TAB2: variants seen among roughly 807,000 people sequenced by gnomAD.
TAB2 encodes the protein TGF-beta activated kinase 1 (MAP3K7) binding protein 2, also known as TGF-beta-activated kinase 1 and MAP3K7-binding protein 2.
A neutral mutation model predicts 65.0 loss-of-function variants in TAB2; 3 were observed. The observed-to-expected ratio is 0.05, with a 90% CI of 0.02 to 0.12. TAB2 has a LOEUF of 0.12. Among genes scored for constraint, TAB2 ranks in the 10% least tolerant of loss-of-function variants. TAB2 has a pLI of 1.00. For missense variants in TAB2, 623 were observed against 840.3 expected (o/e 0.74, Z 3.20); for synonymous variants, 298 against 285.1 (o/e 1.05, Z -0.46).
chr6:149,252,128 C>T (rs940960618), intron 1 of TAB2, among the ~76,000 whole-genome samples: 12 of 152,002 alleles, frequency 7.9e-5, no homozygotes, highest in Non-Finnish European at 1.2e-4. Flanking sequence ...GAGGGCAGGC[C>T]GGGTGCAGTG....
At chr6:149,248,424 AAAGAAAGG>A (rs1777778177) in intron 1 of TAB2, among the ~76,000 whole-genome samples, 1 of 31,056 alleles carries the variant, frequency 3.2e-5, no homozygotes, top group African/African-American at 2.0e-4. Context: ...AAAGAAAAAG[AAAGAAAGG>A]AAGGAAGGAA....
At chr6:149,239,127 A>G (rs1261966472) in intron 1 of TAB2, among the ~76,000 whole-genome samples, 1 of 152,144 alleles carries the variant, frequency 6.6e-6, no homozygotes, top group African/African-American at 2.4e-5. Flanking sequence ...AACTCAAGTG[A>G]CTCTTAGAAA....
intron 1 of TAB2, among the ~76,000 whole-genome samples, chr6:149,340,712 C>A (rs1298242065): frequency 6.6e-6 from 1 of 152,074 alleles, no homozygotes; most frequent in Non-Finnish European, 1.5e-5. Context: ...CTTAAATACC[C>A]TTTCCCCTTC....
At chr6:149,262,144 G>A (rs922560541) in intron 1 of TAB2, among the ~76,000 whole-genome samples, 3 of 152,190 alleles carry the variant, frequency 2.0e-5, no homozygotes, top group African/African-American at 7.2e-5. Context: ...TTTACATAGT[G>A]TAAAGCAAAG....
At chr6:149,362,123 C>G (rs1182088655) in intron 1 of TAB2, among the ~76,000 whole-genome samples, 3 of 152,212 alleles carry the variant, frequency 2.0e-5, no homozygotes, top group Non-Finnish European at 4.4e-5. Flanking sequence ...TTACCCAGTT[C>G]CCAAGTTGCT....
In TAB2 at chr6:149,234,864, G is replaced by GAA. The variant is rs386408903; in HGVS notation, c.-121+16104_-121+16105dup. ...TGAGACGACTAAGATTAGAGAGTGTGAAAAAAAAAAAAAAAAACACACTCT... is the reference window on the plus strand; with the variant it reads ...TGAGACGACTAAGATTAGAGAGTGTGAAAAAAAAAAAAAAAAAAACACACTCT... On this transcript the variant is annotated intron_variant, in intron 1 of 1. Transcript: ENST00000606202. Among the ~76,000 whole-genome samples, 104 of 95,442 alleles carry GAA rather than the reference G, an allele frequency of 1.1e-3. 1 individual carries two copies. The highest frequency in any genetic ancestry group is 6.0e-3 in the Middle Eastern group (1 of 166). The allele number at this position is 95,442 out of a possible 152,430, so 62.6% of individuals were successfully genotyped here. A position where few individuals can be genotyped will look rare whatever the true frequency, so the allele number is the denominator to read the frequency against.
At chr6:149,317,404 G>GGGCCGC (rs1779282998), upstream of TAB2, 3 of 130,458 alleles carry the variant, frequency 2.3e-5, no homozygotes, top group South Asian at 1.6e-4. The surrounding 1 kb of genome is among the most constrained non-coding windows in gnomAD (Gnocchi z 4.7). Flanking sequence ...GAGCATCCCC[G>GGGCCGC]GGCCGCAGCC....
chr6:149,250,850 C>A (rs573227548), intron 1 of TAB2, among the ~76,000 whole-genome samples: 1 of 152,268 alleles, frequency 6.6e-6, no homozygotes, highest in African/African-American at 2.4e-5. Context: ...TTATGAAAAT[C>A]ACTTCACTTG....
chr6:149,348,919 A>G (rs1780394016), intron 1 of TAB2, among the ~76,000 whole-genome samples: 2 of 152,062 alleles, frequency 1.3e-5, no homozygotes, highest in South Asian at 4.2e-4. Context: ...GTGAGCCGAG[A>G]TCGCACCGTT....
upstream of TAB2, among the ~76,000 whole-genome samples, chr6:149,317,269 C>G (rs964958930): frequency 1.3e-5 from 2 of 151,842 alleles, no homozygotes; most frequent in African/African-American, 4.8e-5. The surrounding 1 kb of genome is among the most constrained non-coding windows in gnomAD (Gnocchi z 4.7). Flanking sequence ...TCCCAGCCCT[C>G]CCCGGGCTGC....
intron 1 of TAB2, chr6:149,243,488 T>C (rs1180231912): frequency 6.6e-6 from 1 of 152,224 alleles, no homozygotes; most frequent in Non-Finnish European, 1.5e-5. Context: ...CCAGTTTCTG[T>C]GTGCAAAGAA....
intron 1 of TAB2, among the ~76,000 whole-genome samples, chr6:149,346,268 G>A (rs534504282): frequency 2.6e-5 from 4 of 152,042 alleles, no homozygotes; most frequent in South Asian, 4.2e-4. Context: ...ACGCATGCAC[G>A]CATGCACACA....
chr6:149,232,922 A>G (rs1250659483), intron 1 of TAB2, among the ~76,000 whole-genome samples: 1 of 152,088 alleles, frequency 6.6e-6, no homozygotes, highest in Non-Finnish European at 1.5e-5. Context: ...ATGCTGCTGT[A>G]CTTCCCTCAC....
At chr6:149,376,509 C>T (rs940227421) in intron 2 of TAB2, among the ~76,000 whole-genome samples, 2 of 152,186 alleles carry the variant, frequency 1.3e-5, no homozygotes, top group African/African-American at 2.4e-5. Flanking sequence ...CCTTTATATT[C>T]TTCTTTACTC....
intron 6 of TAB2, among the ~76,000 whole-genome samples, chr6:149,399,860 ATAATAT>A (rs908280666): frequency 3.7e-4 from 56 of 152,246 alleles, no homozygotes; most frequent in African/African-American, 1.3e-3. Flanking sequence ...TAATGGATAC[ATAATAT>A]TAAAAGAAGA....
chr6:149,237,709 C>T (rs1453965728), intron 1 of TAB2, among the ~76,000 whole-genome samples: 1 of 152,164 alleles, frequency 6.6e-6, no homozygotes, highest in Non-Finnish European at 1.5e-5. Context: ...CCCAGGGTGC[C>T]CCACACCTAA....
chr6:149,281,400 A>T, intron 1 of TAB2, among the ~76,000 whole-genome samples: 1 of 151,882 alleles, frequency 6.6e-6, no homozygotes. Flanking sequence ...AATCCAGCAA[A>T]GGAGACAAAA....
chr6:149,270,447 G>A (rs943649946), intron 1 of TAB2, among the ~76,000 whole-genome samples: 7 of 151,968 alleles, frequency 4.6e-5, no homozygotes, highest in South Asian at 2.1e-4. Context: ...TGTATAGCAC[G>A]ATGACTATAG....
chr6:149,291,629 G>A (rs1157102389), intron 1 of TAB2: 3 of 152,534 alleles, frequency 2.0e-5, no homozygotes, highest in Non-Finnish European at 4.4e-5. Flanking sequence ...GGGAGGCTGA[G>A]GCGGGGAGAT....
Sources: allele counts gnomAD v4.1 joint callset (sites outside exome capture counted in the v4.1 genomes callset), GRCh38; gene constraint gnomAD v4.1.1; non-coding constraint Gnocchi (gnomAD v3.1); transcripts MANE v1.5; gene names NCBI Gene and HGNC (gene_info 2026-07-23, HGNC 2026-07-21).